The following RGS22 variants were observed in gnomAD, a reference collection of about 807,000 sequenced individuals.
The protein encoded by RGS22 is regulator of G-protein signaling 22.
Under a neutral mutation model 172.9 loss-of-function variants are expected in RGS22, and 148 were observed. The ratio of observed to expected loss-of-function variants is 0.86; its 90% CI spans 0.75 to 0.98. The LOEUF (loss-of-function observed/expected upper bound fraction) is 0.98, where lower values mean the gene tolerates loss of function less well. RGS22 is among the 50% of genes least tolerant of loss of function. The pLI, the probability that RGS22 is intolerant of heterozygous loss-of-function variation, is 0.00. For synonymous variants in RGS22, 458 were observed against 480.2 expected, an observed-to-expected ratio of 0.95 and a Z score of 0.60; for missense variants, 1,347 against 1,440.8, an observed-to-expected ratio of 0.93 and a Z score of 1.05.
Position 100,105,912 on chromosome 8 carries a change from T to C in RGS22, c.10A>G (p.Lys4Glu). 1 of 1,494,358 alleles carries C rather than the reference T, an allele frequency of 6.7e-7. No homozygotes were observed. The highest frequency in any genetic ancestry group is 8.9e-7 in the Non-Finnish European group (1 of 1,124,528). The allele number at this position is 1,494,358 out of a possible 1,614,324, so 92.6% of individuals were successfully genotyped here. A position where few individuals can be genotyped will look rare whatever the true frequency, so the allele number is the denominator to read the frequency against. Residue 4 changes from lysine to glutamate, a missense_variant, in exon 1 of 28, where the codon AAG (lysine) becomes GAG (glutamate). Physicochemically the swap from Lys to Glu is moderately conservative, Grantham distance 56 (BLOSUM62 1). Coordinates refer to ENST00000360863, the MANE Select transcript of RGS22 (RefSeq NM_015668.5). MPE[K>E]RLTAEPPTIT... ...CGCCACCTACCCGCGGTGAGCCTCT[T>C]CTCGGGCATGCCGTCCCCGCTGCCC...
intron 14 of RGS22, among the ~76,000 whole-genome samples, chr8:100,036,309 T>C (rs376136636): frequency 6.6e-6 from 1 of 152,092 alleles, no homozygotes; most frequent in Non-Finnish European, 1.5e-5. Context: ...ACCATTTAAA[T>C]TGGTTTCCAA....
At chr8:100,092,994 T>A (rs865774955) in intron 3 of RGS22, among the ~76,000 whole-genome samples, 72 of 152,340 alleles carry the variant, frequency 4.7e-4, no homozygotes, top group African/African-American at 1.6e-3. Context: ...TATTTTGTCC[T>A]TATTATCTCT....
chr8:99,965,370 C>G lies in RGS22; in HGVS notation c.3580G>C (p.Asp1194His), dbSNP rs1291665847. ...VPAIKTALLS[D>H]SFLGLQPYGR... ...TATGGTTGGAGGCCTAGGAAGGAAT[C>G]ACTGAGTAAAGCAGTTTTGATAGCA... is the stretch of plus-strand genomic sequence containing the variant. Residue 1194 changes from aspartate to histidine, a missense_variant, in exon 24 of 28, where the codon GAT becomes CAT. Physicochemically the swap from Asp to His is moderately conservative, Grantham distance 81 (BLOSUM62 -1). Coordinates refer to ENST00000360863, the MANE Select transcript of RGS22 (RefSeq NM_015668.5). 1 of 1,613,626 alleles carries G rather than the reference C, an allele frequency of 6.2e-7. No individual in the cohort carries two copies. The highest frequency in any genetic ancestry group is 1.3e-5 in the African/African-American group (1 of 74,926).
At chr8:100,052,711 C>A in intron 10 of RGS22, 91 bp downstream of exon 10, 1 of 1,185,106 alleles carries the variant, frequency 8.4e-7, no homozygotes. Flanking sequence ...CACAACAAAG[C>A]TTGTAATGAA....
intron 3 of RGS22, among the ~76,000 whole-genome samples, chr8:100,083,657 T>C (rs1461619147): frequency 1.3e-5 from 2 of 151,388 alleles, no homozygotes; most frequent in African/African-American, 4.9e-5. Context: ...TAAGCCACTG[T>C]GCCCAGCCAA....
chr8:100,046,198 G>T (rs1365654482), intron 11 of RGS22: 2 of 152,052 alleles, frequency 1.3e-5, no homozygotes, highest in African/African-American at 4.8e-5. Context: ...AACAATTTCA[G>T]TAAATGACAC....
chr8:99,972,578 A>G (rs1811480962), intron 23 of RGS22, among the ~76,000 whole-genome samples: 1 of 152,224 alleles, frequency 6.6e-6, no homozygotes, highest in Non-Finnish European at 1.5e-5. Context: ...AATCCCATCA[A>G]AAAGTGGGCA....
intron 21 of RGS22, among the ~76,000 whole-genome samples, chr8:99,984,760 G>A: frequency 6.8e-6 from 1 of 146,242 alleles, no homozygotes; most frequent in African/African-American, 2.6e-5. Flanking sequence ...AATATTTGTT[G>A]GATAAATAAA....
At chr8:100,085,955 A>G (rs532413055) in intron 3 of RGS22, among the ~76,000 whole-genome samples, 1 of 152,316 alleles carries the variant, frequency 6.6e-6, no homozygotes, top group African/African-American at 2.4e-5. Flanking sequence ...AGAAGAACAT[A>G]CAAAGTAATG....
At chr8:100,009,040 T>G (rs941579351) in intron 14 of RGS22, among the ~76,000 whole-genome samples, 12 of 152,168 alleles carry the variant, frequency 7.9e-5, no homozygotes, top group African/African-American at 2.9e-4. Flanking sequence ...GCAGAGTTCT[T>G]AAGACTGTTG....
rs1291069718 is a variant in RGS22, at chr8:100,052,143, ATAT to A, written c.1689+656_1689+658del. On this transcript the variant is annotated intron_variant, in intron 10 of 27. Transcript: ENST00000360863. Reference sequence around the variant, plus strand: ...TATTTATATATAAATATATAAACATATATTAATATATATATAAATATATAAACA... The same window carrying A: ...TATTTATATATAAATATATAAACATATAATATATATATAAATATATAAACA... Among the ~76,000 whole-genome samples, 2 of 65,718 alleles carry A rather than the reference ATAT, an allele frequency of 3.0e-5. 1 individual carries two copies. 43.1% of individuals were successfully genotyped at this position (65,718 alleles called of 152,430 possible).
intron 14 of RGS22, among the ~76,000 whole-genome samples, chr8:100,037,164 G>GGTGC (rs1394496665): frequency 4.6e-5 from 7 of 152,086 alleles, no homozygotes; most frequent in Non-Finnish European, 1.0e-4. Flanking sequence ...TGGGCATGGT[G>GGTGC]GTGCATGCCT....
intron 17 of RGS22, among the ~76,000 whole-genome samples, 174 bp downstream of exon 17, chr8:100,003,752 T>G (rs1464699940): frequency 1.3e-5 from 2 of 152,148 alleles, no homozygotes; most frequent in East Asian, 1.9e-4. Flanking sequence ...ACAATCAAAA[T>G]GTACTCCATC....
chr8:100,049,805 T>C (rs1242404370), intron 10 of RGS22, among the ~76,000 whole-genome samples: 2 of 152,118 alleles, frequency 1.3e-5, no homozygotes, highest in African/African-American at 4.8e-5. Context: ...CCCAGCACTT[T>C]GGGAGGCCAA....
chr8:99,987,837 G>GT, intron 20 of RGS22, among the ~76,000 whole-genome samples: 1 of 152,072 alleles, frequency 6.6e-6, no homozygotes, highest in Non-Finnish European at 1.5e-5. Flanking sequence ...GATTTAGACC[G>GT]TATGACTACA....
intron 4 of RGS22, among the ~76,000 whole-genome samples, chr8:100,076,294 G>A (rs1277311886): frequency 4.6e-5 from 7 of 152,068 alleles, no homozygotes; most frequent in African/African-American, 1.4e-4. Context: ...CCAAGGTTAT[G>A]AAGATTTACA....
intron 14 of RGS22, among the ~76,000 whole-genome samples, chr8:100,032,188 G>T (rs1041133319): frequency 1.3e-5 from 2 of 152,114 alleles, no homozygotes; most frequent in African/African-American, 4.8e-5. Context: ...AAATGTAAAT[G>T]GGCTAAATGC....
intron 2 of RGS22, among the ~76,000 whole-genome samples, chr8:100,098,858 TTTTA>T (rs1288433712): frequency 1.7e-3 from 33 of 19,334 alleles, no homozygotes; most frequent in Admixed American, 1.9e-3. Context: ...TATTTTATTA[TTTTA>T]TTTATTTTAT....
intron 11 of RGS22, among the ~76,000 whole-genome samples, chr8:100,042,195 T>C (rs1820212327): frequency 6.6e-6 from 1 of 152,184 alleles, no homozygotes; most frequent in Non-Finnish European, 1.5e-5. Flanking sequence ...ATAATAAATA[T>C]TTTGAGAGGG....
Sources: allele counts gnomAD v4.1 joint callset (sites outside exome capture counted in the v4.1 genomes callset), GRCh38; gene constraint gnomAD v4.1.1; transcripts MANE v1.5; gene names NCBI Gene and HGNC (gene_info 2026-07-23, HGNC 2026-07-21).